Variants in SMPD4 observed in about 807,000 individuals in gnomAD.
SMPD4 encodes the protein sphingomyelin phosphodiesterase 4.
SMPD4 carries 58 observed loss-of-function variants against 97.8 expected under a neutral mutation model. That is an observed-to-expected ratio of 0.59 (90% CI 0.48 to 0.74). The LOEUF is 0.74. Among genes scored for constraint, SMPD4 ranks in the 30% least tolerant of loss-of-function variants. SMPD4 has a pLI of 0.00. For synonymous variants in SMPD4, 388 were observed against 450.0 expected (o/e 0.86, Z 1.74); for missense variants, 853 against 1,080.5 (o/e 0.79, Z 2.95).
intron 4 of SMPD4, 24 bp downstream of exon 4, chr2:130,173,490 C>T: frequency 6.3e-7 from 1 of 1,589,506 alleles, no homozygotes; most frequent in South Asian, 1.1e-5. Flanking sequence ...CACCCAGCCT[C>T]TCTCCGGTGA....
intron 11 of SMPD4, among the ~76,000 whole-genome samples, chr2:130,160,338 T>G (rs2104833547): frequency 6.6e-6 from 1 of 152,314 alleles, no homozygotes; most frequent in South Asian, 2.1e-4. Flanking sequence ...TTTTCTCATC[T>G]TATGCTCAAA....
rs765649506 is a variant in SMPD4, at chr2:130,157,205, A to G, written c.1097+46T>C. ...GCTGTGGGCGACACCTTAGGAGGGG[A>G]AAGTGGGGGAGACGGCAGTGGTGGG... On this transcript the variant is annotated intron_variant, in intron 12 of 19. Transcript: ENST00000680298. 1.9e-6 allele frequency: 3 copies of G among 1,550,298 alleles called. No homozygotes were observed. In the South Asian group the frequency reaches 3.6e-5, roughly 18 times the overall value.
At chr2:130,156,459 C>T in intron 13 of SMPD4, 126 bp downstream of exon 13, 16 of 971,376 alleles carry the variant, frequency 1.6e-5, no homozygotes, top group Non-Finnish European at 2.5e-5. Flanking sequence ...TGTGGCCCTC[C>T]AAGACCCCCT....
chr2:130,157,516 G>T, intron 11 of SMPD4, 120 bp from the exon 12 acceptor site: 1 of 1,519,270 alleles, frequency 6.6e-7, no homozygotes, highest in Non-Finnish European at 8.9e-7. Context: ...CGGGAGGCAT[G>T]AGCCAGGCCA....
At chr2:130,154,005 A>G (rs574625251) in intron 16 of SMPD4, 70 bp from the exon 17 acceptor site, 1 of 1,469,840 alleles carries the variant, frequency 6.8e-7, no homozygotes, top group South Asian at 1.2e-5. Flanking sequence ...CCCCAAGAGC[A>G]ATGCACAGCC....
intron 11 of SMPD4, among the ~76,000 whole-genome samples, chr2:130,158,669 G>A (rs1246268274): frequency 2.0e-5 from 3 of 152,178 alleles, no homozygotes; most frequent in South Asian, 2.1e-4. Flanking sequence ...GGCTTCCTCT[G>A]GTTGTTTAGC....
intron 15 of SMPD4, chr2:130,154,829 C>T (rs1273405227): frequency 8.3e-6 from 5 of 605,704 alleles, no homozygotes; most frequent in Admixed American, 3.0e-5. Context: ...AGCGGGGTCA[C>T]GGGGCCGCAG....
chr2:130,167,310 G>A (rs1288284432), intron 9 of SMPD4, 148 bp downstream of exon 9: 13 of 1,045,362 alleles, frequency 1.2e-5, no homozygotes, highest in African/African-American at 3.2e-5. Flanking sequence ...TAGTAGAGAC[G>A]TGGTTTCACC....
Position 130,161,266 on chromosome 2 carries a change from C to G in SMPD4, c.871G>C (p.Val291Leu), listed in dbSNP as rs1210702917. ...KMQSPHAKLE[V>L]LHYRLSVSSA... ...GAGACACTGAGTCGGTAGTGCAGAA[C>G]CTCCAGCTGAGATAAGAAACAGAGA... The change falls in exon 11 of 20, where the codon GTT becomes CTT. Residue 291 changes from valine to leucine, a missense_variant. Physicochemically the swap from Val to Leu is conservative, Grantham distance 32 (BLOSUM62 1). This residue lies in a region of SMPD4 where 313 missense variants were observed against 402.2 expected (regional missense o/e 0.78). Transcript: ENST00000680298. 1 of 1,613,948 alleles carries G rather than the reference C, an allele frequency of 6.2e-7. No homozygotes were observed. The highest frequency in any genetic ancestry group is 2.2e-5 in the East Asian group (1 of 44,842).
At chr2:130,160,098 C>T (rs574657685) in intron 11 of SMPD4, among the ~76,000 whole-genome samples, 2 of 152,142 alleles carry the variant, frequency 1.3e-5, no homozygotes. Context: ...TCCCCAAAGC[C>T]GCACATTTCC....
rs753965548 is a variant in SMPD4 at position 130,161,313 on chromosome 2, G to A, written c.865-41C>T. 4.3e-5 allele frequency: 68 copies of A among 1,582,556 alleles called. 1 individual carries two copies. The highest frequency in any genetic ancestry group is 1.0e-4 in the Admixed American group (6 of 59,912). On this transcript the variant is annotated intron_variant, in intron 10 of 19. Transcript: ENST00000680298. ...GAGAGATGCCGGAAGAGGCCGAAGA[G>A]CAGAGGACAAGAGAATGGGGTGGGG...
At position 130,152,959 on chromosome 2, in the gene SMPD4, A is replaced by ACCC. The variant is rs1176826481; in HGVS notation, c.2155-76_2155-75insGGG. On this transcript the variant is annotated intron_variant, in intron 19 of 19. Transcript: ENST00000680298. ...CTCAGGACAGCAGTACCCCACCCTC[A>ACCC]CAGGCCACCCCAGGACTGCACCCCA... 24 of 1,556,098 alleles carry ACCC rather than the reference A, an allele frequency of 1.5e-5. No individual in the cohort carries two copies. The Admixed American group carries it at 2.3e-4, about 15-fold the overall frequency.
chr2:130,170,985 C>T (rs1201542103), intron 8 of SMPD4, among the ~76,000 whole-genome samples: 1 of 151,918 alleles, frequency 6.6e-6, no homozygotes, highest in Non-Finnish European at 1.5e-5. Context: ...CACTTGAACC[C>T]AGGAGATGGA....
chr2:130,181,286 G>A lies in SMPD4; in HGVS notation c.-46+244C>T. On this transcript the variant is annotated intron_variant, in intron 1 of 19. Transcript: ENST00000680298. ...CCTTCAACGAAGGTTAACCTTCAGC[G>A]AACACCTACCGGACCGGGACAGAGT... The A allele has an allele frequency of 7.2e-6, 10 of 1,393,406 alleles. 1 individual carries two copies. The South Asian group carries it at 1.7e-4, about 23-fold the overall frequency. 86.3% of individuals were successfully genotyped at this position (1,393,406 alleles called of 1,614,324 possible).
At position 130,153,927 on chromosome 2, in the gene SMPD4, G is replaced by A. The variant is rs1686490237; in HGVS notation, c.1668C>T (p.Arg556=). The change falls in exon 17 of 20, where the codon CGC becomes CGT. Residue 556 remains arginine, a synonymous_variant. Coordinates refer to ENST00000680298, the MANE Select transcript of SMPD4 (RefSeq NM_017951.5). The part of the protein sequence containing the change: ...FGPEARTLVL[R]LAQLITQAKH... ...TGGCCTGTGTGATGAGCTGAGCGAG[G>A]CGCAGGACCTGCAAGGGAGGCGCGG... 1.2e-6 allele frequency: 2 copies of A among 1,613,366 alleles called. No individual in the cohort carries two copies. Among genetic ancestry groups the A allele is most frequent in the Non-Finnish European group, 1.7e-6 (2 of 1,179,702 alleles).
chr2:130,169,545 T>C (rs1688239704), intron 8 of SMPD4, among the ~76,000 whole-genome samples: 1 of 151,570 alleles, frequency 6.6e-6, no homozygotes, highest in Non-Finnish European at 1.5e-5. Flanking sequence ...GAAATCTGGG[T>C]GAAGATCTAT....
intron 8 of SMPD4, among the ~76,000 whole-genome samples, chr2:130,169,564 CT>C (rs749873351): frequency 0.012 from 1,676 of 143,204 alleles, 28 homozygotes; most frequent in African/African-American, 0.035. Flanking sequence ...ATGAAAGTTT[CT>C]TTTTTTTTTT....
At chr2:130,181,267 A>G in intron 1 of SMPD4, 2 of 1,369,860 alleles carry the variant, frequency 1.5e-6, no homozygotes, top group South Asian at 3.4e-5. Flanking sequence ...AATTCCTTCA[A>G]CGAAGGTTAA....
chr2:130,172,528 G>A, intron 7 of SMPD4, 28 bp from the exon 8 acceptor site: 1 of 1,612,454 alleles, frequency 6.2e-7, no homozygotes, highest in Non-Finnish European at 8.5e-7. Flanking sequence ...TTGTTAGCAT[G>A]GGCTCTGGAC....
Sources: allele counts gnomAD v4.1 joint callset (sites outside exome capture counted in the v4.1 genomes callset), GRCh38; gene constraint gnomAD v4.1.1; regional missense constraint gnomAD v4.1.1; transcripts MANE v1.5; gene names NCBI Gene and HGNC (gene_info 2026-07-23, HGNC 2026-07-21).